Variants in RNF186 observed in about 807,000 individuals in gnomAD.
The protein encoded by RNF186 is E3 ubiquitin-protein ligase RNF186.
For synonymous variants in RNF186, 152 were observed against 133.5 expected, an observed-to-expected ratio of 1.14 and a Z score of -0.96; for missense variants, 298 against 298.5, an observed-to-expected ratio of 1.00 and a Z score of 0.01.
chr1:19,814,960 TG>T lies in RNF186; in HGVS notation c.141del (p.Tyr47Ter). 6.2e-7 allele frequency: 1 copy of T among 1,613,932 alleles called. No individual in the cohort carries two copies. Among genetic ancestry groups the T allele is most frequent in the Non-Finnish European group, 8.5e-7 (1 of 1,180,016 alleles). ...DLECLVCREPYSCPRLPKLLA... is the reference protein window; with the variant it reads ...DLECLVCREPXSCPRLPKLLA... Reference sequence around the variant, plus strand: ...AGCAGCTTGGGCAACCGGGGACAGCTGTAGGGCTCCCGGCACACCAGACACT... The same window carrying T: ...AGCAGCTTGGGCAACCGGGGACAGCTTAGGGCTCCCGGCACACCAGACACT... On this transcript the variant is annotated frameshift_variant, in exon 1 of 1. Transcript: ENST00000375121. LOFTEE classifies it low-confidence loss of function (END_TRUNC). This position sits in a 1 kb window ranked among gnomAD's most constrained non-coding sequence, Gnocchi z 4.7.
Position 19,814,755 on chromosome 1 carries a change from ACC to A in RNF186, c.345_346del (p.Glu115AspfsTer13). 3 of 1,614,066 alleles carry A rather than the reference ACC, an allele frequency of 1.9e-6. No homozygotes were observed. The highest frequency in any genetic ancestry group is 2.5e-6 in the Non-Finnish European group (3 of 1,180,006). On this transcript the variant is annotated frameshift_variant, in exon 1 of 1. Transcript: ENST00000375121. LOFTEE classifies it low-confidence loss of function (END_TRUNC). This position sits in a 1 kb window ranked among gnomAD's most constrained non-coding sequence, Gnocchi z 4.7. Reference sequence around the variant, plus strand: ...CACCAGCCCCTGAGGACAGAGCGATACCTCTGTGCATGGCTGGGCCAGCTGCC... The same window carrying A: ...CACCAGCCCCTGAGGACAGAGCGATATCTGTGCATGGCTGGGCCAGCTGCC...
rs769659519 is a variant in RNF186, at chr1:19,814,845, C to T, written c.257G>A (p.Arg86His). ...NTWSITCPLC[R>H]KVTAVPGGLI... ...GCCCCCGGGGACGGCGGTGACCTTG[C>T]GGCACAGCGGGCAGGTGATGGACCA... is the stretch of plus-strand genomic sequence containing the variant. The change falls in exon 1 of 1, where the codon CGC becomes CAC. Residue 86 changes from arginine to histidine, a missense_variant. Physicochemically the swap from Arg to His is conservative, Grantham distance 29. Coordinates refer to ENST00000375121, the MANE Select transcript of RNF186 (RefSeq NM_019062.2). This position sits in a 1 kb window ranked among gnomAD's most constrained non-coding sequence, Gnocchi z 4.7. 1.1e-5 allele frequency: 18 copies of T among 1,613,724 alleles called. 1 individual carries two copies. The Middle Eastern group carries it at 9.9e-4, about 88-fold the overall frequency.
chr1:19,815,031 A>G lies in RNF186; in HGVS notation c.71T>C (p.Val24Ala). 6.2e-7 allele frequency: 1 copy of G among 1,614,126 alleles called. No homozygotes were observed. Among genetic ancestry groups the G allele is most frequent in the Non-Finnish European group, 8.5e-7 (1 of 1,180,032 alleles). Residue 24 changes from valine (V) to alanine (A), a missense_variant, in exon 1 of 1, where the codon GTG (valine) becomes GCG (alanine). Coordinates refer to ENST00000375121, the MANE Select transcript of RNF186 (RefSeq NM_019062.2). ...SAGATTTTTA[V>A]APAGGHSGST... ...GCCAGAATGACCCCCAGCAGGGGCC[A>G]CAGCGGTGGTGGTTGTGGTGGCTCC...
rs750533210 is a variant in RNF186 at position 19,814,801 on chromosome 1, C to T, written c.301G>A (p.Asp101Asn). The T allele has an allele frequency of 7.4e-6, 12 of 1,613,844 alleles. No individual in the cohort carries two copies. Among genetic ancestry groups the T allele is most frequent in the Admixed American group, 1.7e-5 (1 of 59,998 alleles). ...AGCTGCCCCACCACCGCCTCATGGT[C>T]GCGCAGGCTGCAGATGAGGCCCCCG... ...VPGGLICSLR[D>N]HEAVVGQLAQ... Residue 101 changes from aspartate to asparagine, a missense_variant, in exon 1 of 1, where the codon GAC becomes AAC. Coordinates refer to ENST00000375121, the MANE Select transcript of RNF186 (RefSeq NM_019062.2). The surrounding 1 kb of genome is among the most constrained non-coding windows in gnomAD (Gnocchi z 4.7).
rs1353462845 is a variant in RNF186 at position 19,815,017 on chromosome 1, C to A, written c.85G>T (p.Gly29Cys). Residue 29 changes from glycine (G) to cysteine (C), a missense_variant, in exon 1 of 1, where the codon GGT (glycine) becomes TGT (cysteine). Coordinates refer to ENST00000375121, the MANE Select transcript of RNF186 (RefSeq NM_019062.2). ...TTTTAVAPAGGHSGSTECDLE... is the reference protein window; with the variant it reads ...TTTTAVAPAGCHSGSTECDLE... ...TCACATTCTGTGGAGCCAGAATGAC[C>A]CCCAGCAGGGGCCACAGCGGTGGTG... 1 of 1,614,108 alleles carries A rather than the reference C, an allele frequency of 6.2e-7. No individual in the cohort carries two copies. The highest frequency in any genetic ancestry group is 1.1e-5 in the South Asian group (1 of 91,084).
In RNF186 at chr1:19,814,488, C is replaced by T. The variant is rs1298712729; in HGVS notation, c.614G>A (p.Ser205Asn). 1 of 1,614,180 alleles carries T rather than the reference C, an allele frequency of 6.2e-7. No homozygotes were observed. The highest frequency in any genetic ancestry group is 1.7e-5 in the Admixed American group (1 of 60,032). ...LFCCLPSTRGSCWPSSRTLFC... is the reference protein window; with the variant it reads ...LFCCLPSTRGNCWPSSRTLFC... ...GAGAGTCCTGGAGGAGGGCCAGCAGCTGCCCCGGGTGCTGGGGAGACAGCA... is the reference window on the plus strand; with the variant it reads ...GAGAGTCCTGGAGGAGGGCCAGCAGTTGCCCCGGGTGCTGGGGAGACAGCA... The change falls in exon 1 of 1, where the codon AGC becomes AAC. Residue 205 changes from serine (S) to asparagine (N), a missense_variant. Transcript: ENST00000375121. This position sits in a 1 kb window ranked among gnomAD's most constrained non-coding sequence, Gnocchi z 4.7.
rs1399621258 is a variant in RNF186, at chr1:19,815,144, G to T, written c.-43C>A. The T allele has an allele frequency of 1.3e-6, 2 of 1,558,044 alleles. No homozygotes were observed. The highest frequency in any genetic ancestry group is 2.3e-5 in the East Asian group (1 of 44,294). On this transcript the variant is annotated 5_prime_UTR_variant, in exon 1 of 1. Coordinates refer to ENST00000375121, the MANE Select transcript of RNF186 (RefSeq NM_019062.2). ...GTGGGACACTGTCGCTCAGCACCTG[G>T]GCATTGGCAGAGAGTGTCAGCTGGC... is the stretch of plus-strand genomic sequence containing the variant.
In RNF186 at chr1:19,814,928, G is replaced by A. The variant is rs375096308; in HGVS notation, c.174C>T (p.Cys58=). 1.9e-6 allele frequency: 3 copies of A among 1,613,820 alleles called. No homozygotes were observed. Among genetic ancestry groups the A allele is most frequent in the African/African-American group, 2.7e-5 (2 of 74,942 alleles). The part of the protein sequence containing the change: ...SCPRLPKLLA[C]QHAFCAICLK... Reference sequence around the variant, plus strand: ...GGCAGATGGCGCAGAAGGCATGCTGGCAGGCCAGCAGCTTGGGCAACCGGG... The same window carrying A: ...GGCAGATGGCGCAGAAGGCATGCTGACAGGCCAGCAGCTTGGGCAACCGGG... Residue 58 remains cysteine, a synonymous_variant, in exon 1 of 1, where the codon TGC becomes TGT. Transcript: ENST00000375121. The surrounding 1 kb of genome is among the most constrained non-coding windows in gnomAD (Gnocchi z 4.7).
In RNF186 at chr1:19,814,190, G is replaced by T; in HGVS notation, c.*228C>A. On this transcript the variant is annotated 3_prime_UTR_variant, in exon 1 of 1. Coordinates refer to ENST00000375121, the MANE Select transcript of RNF186 (RefSeq NM_019062.2). The surrounding 1 kb of genome is among the most constrained non-coding windows in gnomAD (Gnocchi z 4.7). The stretch of plus-strand genomic sequence containing the variant: ...CAAGTAGTTTGTGTCTGCTCCCCTA[G>T]CCACCAACAGTTTTAGCTATGCTAT... 1 of 522,680 alleles carries T rather than the reference G, an allele frequency of 1.9e-6. No homozygotes were observed. Among genetic ancestry groups the T allele is most frequent in the Non-Finnish European group, 3.4e-6 (1 of 293,406 alleles). 32.4% of individuals were successfully genotyped at this position (522,680 alleles called of 1,614,324 possible).
In RNF186 at chr1:19,814,960, T is replaced by C. The variant is rs371529547; in HGVS notation, c.142A>G (p.Ser48Gly). 53 of 1,613,814 alleles carry C rather than the reference T, an allele frequency of 3.3e-5. No homozygotes were observed. The highest frequency in any genetic ancestry group is 4.2e-5 in the Non-Finnish European group (50 of 1,180,024). Residue 48 changes from serine (S) to glycine (G), a missense_variant, in exon 1 of 1, where the codon AGC becomes GGC. Transcript: ENST00000375121. This position sits in a 1 kb window ranked among gnomAD's most constrained non-coding sequence, Gnocchi z 4.7. Reference sequence around the variant, plus strand: ...AGCAGCTTGGGCAACCGGGGACAGCTGTAGGGCTCCCGGCACACCAGACAC... The same window carrying C: ...AGCAGCTTGGGCAACCGGGGACAGCCGTAGGGCTCCCGGCACACCAGACAC... ...LECLVCREPYSCPRLPKLLAC... is the reference protein window; with the variant it reads ...LECLVCREPYGCPRLPKLLAC...
At position 19,815,077 on chromosome 1, in the gene RNF186, G is replaced by A; in HGVS notation, c.25C>T (p.Gln9Ter). The change falls in exon 1 of 1, where the codon CAG becomes TAG. Residue 9 changes from glutamine to a stop codon, truncating the protein, a stop_gained. Coordinates refer to ENST00000375121, the MANE Select transcript of RNF186 (RefSeq NM_019062.2). LOFTEE classifies it low-confidence loss of function (END_TRUNC). ...GCTCCTGCGGAGATGGGCTGGGACT[G>A]TTGCAGGGTCTTGGTGCAGGCCATT... MACTKTLQ[Q>*]SQPISAGATT... is the part of the protein sequence containing the mutation. 6.2e-7 allele frequency: 1 copy of A among 1,613,800 alleles called. No homozygotes were observed. Among genetic ancestry groups the A allele is most frequent in the Non-Finnish European group, 8.5e-7 (1 of 1,179,978 alleles).
At position 19,815,051 on chromosome 1, in the gene RNF186, G is replaced by A; in HGVS notation, c.51C>T (p.Ala17=). 1 of 1,614,032 alleles carries A rather than the reference G, an allele frequency of 6.2e-7. No homozygotes were observed. The highest frequency in any genetic ancestry group is 8.5e-7 in the Non-Finnish European group (1 of 1,180,032). ...LQQSQPISAG[A]TTTTTAVAPA... ...GGGCCACAGCGGTGGTGGTTGTGGT[G>A]GCTCCTGCGGAGATGGGCTGGGACT... The change falls in exon 1 of 1, where the codon GCC becomes GCT. Residue 17 remains alanine (A), a synonymous_variant. Transcript: ENST00000375121.
chr1:19,814,779 T>C lies in RNF186; in HGVS notation c.323A>G (p.Gln108Arg), dbSNP rs1390459854. 6.2e-7 allele frequency: 1 copy of C among 1,614,036 alleles called. No individual in the cohort carries two copies. Among genetic ancestry groups the C allele is most frequent in the African/African-American group, 1.3e-5 (1 of 75,050 alleles). ...SLRDHEAVVG[Q>R]LAQPCTEVSL... ...TACCTCTGTGCATGGCTGGGCCAGC[T>C]GCCCCACCACCGCCTCATGGTCGCG... Residue 108 changes from glutamine (Q) to arginine (R), a missense_variant, in exon 1 of 1, where the codon CAG (glutamine) becomes CGG (arginine). Physicochemically the swap from Gln to Arg is conservative, Grantham distance 43. Coordinates refer to ENST00000375121, the MANE Select transcript of RNF186 (RefSeq NM_019062.2). This position sits in a 1 kb window ranked among gnomAD's most constrained non-coding sequence, Gnocchi z 4.7.
Position 19,814,711 on chromosome 1 carries a change from C to T in RNF186, c.391G>A (p.Ala131Thr). The T allele has an allele frequency of 5.6e-6, 9 of 1,614,200 alleles. No individual in the cohort carries two copies. Among genetic ancestry groups the T allele is most frequent in the Non-Finnish European group, 7.6e-6 (9 of 1,180,030 alleles). ...QGLVDPADLA[A>T]GHPSLVGEDG... ...TCTCCCACCAAGCTGGGGTGTCCTG[C>T]TGCCAAGTCAGCAGGATCCACCAGC... The change falls in exon 1 of 1, where the codon GCA becomes ACA. Residue 131 changes from alanine to threonine, a missense_variant. By Grantham distance (58) the Ala-to-Thr change is moderately conservative. Coordinates refer to ENST00000375121, the MANE Select transcript of RNF186 (RefSeq NM_019062.2). The surrounding 1 kb of genome is among the most constrained non-coding windows in gnomAD (Gnocchi z 4.7).
At position 19,814,440 on chromosome 1, in the gene RNF186, C is replaced by G; in HGVS notation, c.662G>C (p.Ser221Thr). 6.2e-7 allele frequency: 1 copy of G among 1,614,024 alleles called. No homozygotes were observed. Among genetic ancestry groups the G allele is most frequent in the Non-Finnish European group, 8.5e-7 (1 of 1,179,946 alleles). The stretch of plus-strand genomic sequence containing the variant: ...CACTCAGGCAATGGAAGAGATGTGG[C>G]TGTGTTTCTGCTCTCTGCAGAAGAG... ...RTLFCREQKH[S>T]HISSIA The change falls in exon 1 of 1, where the codon AGC becomes ACC. Residue 221 changes from serine to threonine, a missense_variant. Coordinates refer to ENST00000375121, the MANE Select transcript of RNF186 (RefSeq NM_019062.2). The surrounding 1 kb of genome is among the most constrained non-coding windows in gnomAD (Gnocchi z 4.7).
rs758829437 is a variant in RNF186 at position 19,814,654 on chromosome 1, C to T, written c.448G>A (p.Val150Met). The T allele has an allele frequency of 1.2e-6, 2 of 1,614,218 alleles. No homozygotes were observed. Among genetic ancestry groups the T allele is most frequent in the Non-Finnish European group, 1.7e-6 (2 of 1,180,040 alleles). The change falls in exon 1 of 1, where the codon GTG becomes ATG. Residue 150 changes from valine (V) to methionine (M), a missense_variant. Physicochemically the swap from Val to Met is conservative, Grantham distance 21 (BLOSUM62 1). Transcript: ENST00000375121. The surrounding 1 kb of genome is among the most constrained non-coding windows in gnomAD (Gnocchi z 4.7). ...DGQDEVSANHVAARRLAAHLL... is the reference protein window; with the variant it reads ...DGQDEVSANHMAARRLAAHLL... Reference sequence around the variant, plus strand: ...TGCGCGGCCAGGCGCCGGGCTGCCACGTGGTTTGCACTTACTTCATCCTGT... The same window carrying T: ...TGCGCGGCCAGGCGCCGGGCTGCCATGTGGTTTGCACTTACTTCATCCTGT...
Position 19,814,643 on chromosome 1 carries a change from C to G in RNF186, c.459G>C (p.Arg153=). The G allele has an allele frequency of 6.2e-7, 1 of 1,614,200 alleles. No individual in the cohort carries two copies. Among genetic ancestry groups the G allele is most frequent in the South Asian group, 1.1e-5 (1 of 91,082 alleles). The part of the protein sequence containing the change: ...DEVSANHVAA[R]RLAAHLLLLA... ...GCAGGAGTAGGTGCGCGGCCAGGCGCCGGGCTGCCACGTGGTTTGCACTTA... is the reference window on the plus strand; with the variant it reads ...GCAGGAGTAGGTGCGCGGCCAGGCGGCGGGCTGCCACGTGGTTTGCACTTA... The change falls in exon 1 of 1, where the codon CGG becomes CGC. Residue 153 remains arginine, a synonymous_variant. Transcript: ENST00000375121. The surrounding 1 kb of genome is among the most constrained non-coding windows in gnomAD (Gnocchi z 4.7).
Position 19,814,291 on chromosome 1 carries a change from A to C in RNF186, c.*127T>G. The stretch of plus-strand genomic sequence containing the variant: ...GCTGGCCATCTCGGTTGTGGCTTGC[A>C]AGTCCCGCTGGCATGTGATTTCCCA... On this transcript the variant is annotated 3_prime_UTR_variant, in exon 1 of 1. Transcript: ENST00000375121. The surrounding 1 kb of genome is among the most constrained non-coding windows in gnomAD (Gnocchi z 4.7). 1 of 885,630 alleles carries C rather than the reference A, an allele frequency of 1.1e-6. No individual in the cohort carries two copies. Among genetic ancestry groups the C allele is most frequent in the Non-Finnish European group, 1.7e-6 (1 of 588,490 alleles). The allele number at this position is 885,630 out of a possible 1,614,324, so 54.9% of individuals were successfully genotyped here. A position where few individuals can be genotyped will look rare whatever the true frequency, so the allele number is the denominator to read the frequency against.
At position 19,814,825 on chromosome 1, in the gene RNF186, C is replaced by G. The variant is rs145074386; in HGVS notation, c.277G>C (p.Gly93Arg). ...PLCRKVTAVP[G>R]GLICSLRDHE... ...TCGCGCAGGCTGCAGATGAGGCCCC[C>G]GGGGACGGCGGTGACCTTGCGGCAC... Residue 93 changes from glycine (G) to arginine (R), a missense_variant, in exon 1 of 1, where the codon GGG becomes CGG. By Grantham distance (125) the Gly-to-Arg change is moderately radical. Transcript: ENST00000375121. The surrounding 1 kb of genome is among the most constrained non-coding windows in gnomAD (Gnocchi z 4.7). 4.3e-6 allele frequency: 7 copies of G among 1,613,680 alleles called. No individual in the cohort carries two copies. Among genetic ancestry groups the G allele is most frequent in the Non-Finnish European group, 5.1e-6 (6 of 1,179,994 alleles).
Sources: allele counts gnomAD v4.1 joint callset, GRCh38; gene constraint gnomAD v4.1.1; non-coding constraint Gnocchi (gnomAD v3.1); transcripts MANE v1.5; gene names NCBI Gene and HGNC (gene_info 2026-07-23, HGNC 2026-07-21).